CCDC74B: variants seen among roughly 807,000 people sequenced by gnomAD.
CCDC74B encodes coiled-coil domain-containing protein 74B.
In CCDC74B, 34 loss-of-function variants were observed where a neutral mutation model predicts 38.0. That is an observed-to-expected ratio of 0.89 (90% confidence interval 0.68 to 1.19). The LOEUF (loss-of-function observed/expected upper bound fraction) is 1.19. Ranked by LOEUF, CCDC74B falls within the 50% of genes most tolerant of loss-of-function variation. The pLI, the probability that CCDC74B is intolerant of heterozygous loss-of-function variation, is 0.00. For missense variants in CCDC74B, 358 were observed against 406.0 expected (o/e 0.88, Z 1.02); for synonymous variants, 132 against 170.4 (o/e 0.77, Z 1.76).
chr2:130,143,329 C>G lies in CCDC74B; in HGVS notation c.251-16G>C. 2 of 1,613,960 alleles carry G rather than the reference C, an allele frequency of 1.2e-6. No homozygotes were observed. Among genetic ancestry groups the G allele is most frequent in the Non-Finnish European group, 8.5e-7 (1 of 1,179,824 alleles). On this transcript the variant is annotated splice_polypyrimidine_tract_variant and intron_variant, in intron 1 of 7. Coordinates refer to ENST00000409943, the MANE Select transcript of CCDC74B (RefSeq NM_001258307.2). ...TAACGGAGATCTGAAAGCAAGCACA[C>G]GCTCTCCTCAGCACTTGTGAAACCA...
intron 1 of CCDC74B, among the ~76,000 whole-genome samples, chr2:130,143,957 G>A (rs1285630476): frequency 6.9e-6 from 1 of 145,060 alleles, no homozygotes; most frequent in African/African-American, 2.6e-5. Flanking sequence ...GCGTGGGGGT[G>A]AGGAGCAGCT....
At chr2:130,141,800 G>C (rs1685648188) in intron 3 of CCDC74B, 1 of 489,966 alleles carries the variant, frequency 2.0e-6, no homozygotes, top group African/African-American at 2.0e-5. Context: ...TTGTGGCGGG[G>C]ACACGGCCAA....
At chr2:130,139,743 G>A (rs529047326) in intron 7 of CCDC74B, 53 bp from the exon 8 acceptor site, 8 of 1,609,892 alleles carry the variant, frequency 5.0e-6, no homozygotes, top group Non-Finnish European at 6.8e-6. Context: ...AGTGGAGTGT[G>A]TGGGGAGTGC....
intron 2 of CCDC74B, 168 bp from the exon 3 acceptor site, chr2:130,142,351 G>A: frequency 6.2e-7 from 1 of 1,613,142 alleles, no homozygotes; most frequent in South Asian, 1.1e-5. Flanking sequence ...GGGAGCAGAG[G>A]CCCTGGAAAG....
At chr2:130,140,570 C>T (rs1685544936) in intron 4 of CCDC74B, 199 bp from the exon 5 acceptor site, 3 of 601,404 alleles carry the variant, frequency 5.0e-6, no homozygotes, top group Non-Finnish European at 5.6e-6. Flanking sequence ...CTGAAGGTGC[C>T]CTAAGGGTCA....
At position 130,142,635 on chromosome 2, in the gene CCDC74B, C is replaced by T. The variant is rs965803708; in HGVS notation, c.296-452G>A. On this transcript the variant is annotated intron_variant, in intron 2 of 7. Coordinates refer to ENST00000409943, the MANE Select transcript of CCDC74B (RefSeq NM_001258307.2). ...CAGCTACGATGTTCCCAGGCTGGCT[C>T]CATCCACCAGTCAGATGTCCTCCTG... 5.8e-6 allele frequency: 9 copies of T among 1,543,184 alleles called. No homozygotes were observed. In the African/African-American group the frequency reaches 6.8e-5, roughly 12 times the overall value.
At chr2:130,143,416 GC>G in intron 1 of CCDC74B, 103 bp from the exon 2 acceptor site, 11 of 1,467,760 alleles carry the variant, frequency 7.5e-6, no homozygotes, top group South Asian at 4.5e-5. Context: ...CGAAAGTCCT[GC>G]CCCCCCACTG....
intron 4 of CCDC74B, 174 bp downstream of exon 4, chr2:130,140,984 A>G (rs1685577453): frequency 2.3e-5 from 27 of 1,160,918 alleles, no homozygotes; most frequent in Non-Finnish European, 3.2e-5. Flanking sequence ...ACCGATGGGT[A>G]GAGCGTGGCC....
intron 4 of CCDC74B, chr2:130,140,627 C>G: frequency 5.8e-6 from 3 of 521,586 alleles, no homozygotes; most frequent in Non-Finnish European, 1.0e-5. Flanking sequence ...TGCTCTTGAT[C>G]GTGACCCCAC....
chr2:130,139,825 C>A (rs1685477321), intron 7 of CCDC74B, 66 bp downstream of exon 7: 1 of 1,610,588 alleles, frequency 6.2e-7, no homozygotes, highest in East Asian at 2.2e-5. Context: ...ACGCTCCCTT[C>A]CCCACTCCCT....
Position 130,142,189 on chromosome 2 carries a change from G to A in CCDC74B, c.296-6C>T. On this transcript the variant is annotated splice_region_variant and splice_polypyrimidine_tract_variant and intron_variant, in intron 2 of 7. Coordinates refer to ENST00000409943, the MANE Select transcript of CCDC74B (RefSeq NM_001258307.2). ...GCTTGACGTGGAGAGGCTGTCTGCA[G>A]GAGAGCGCACAGTGTCGGCGCTACC... is the stretch of plus-strand genomic sequence containing the variant. 1.2e-6 allele frequency: 2 copies of A among 1,613,406 alleles called. No homozygotes were observed. Among genetic ancestry groups the A allele is most frequent in the Non-Finnish European group, 1.7e-6 (2 of 1,179,808 alleles).
intron 7 of CCDC74B, 64 bp from the exon 8 acceptor site, chr2:130,139,754 G>A (rs1426179135): frequency 4.9e-5 from 79 of 1,607,448 alleles, no homozygotes; most frequent in Middle Eastern, 3.8e-4. Flanking sequence ...TGGGGAGTGC[G>A]GCCTGCATGG....
At chr2:130,141,523 A>G in intron 3 of CCDC74B, 1 of 652,508 alleles carries the variant, frequency 1.5e-6, no homozygotes, top group Non-Finnish European at 2.5e-6. Flanking sequence ...TAGAACAATC[A>G]ACATAGTGGA....
chr2:130,143,347 T>G, intron 1 of CCDC74B, 34 bp from the exon 2 acceptor site: 1 of 1,613,754 alleles, frequency 6.2e-7, no homozygotes, highest in Non-Finnish European at 8.5e-7. Context: ...TCAGCACTTG[T>G]GAAACCACAG....
At chr2:130,140,673 G>T (rs1685552513) in intron 4 of CCDC74B, 2 of 484,598 alleles carry the variant, frequency 4.1e-6, no homozygotes, top group Non-Finnish European at 3.6e-6. Context: ...CCTGGTCTCG[G>T]GATGTGCAGA....
chr2:130,140,918 C>A, intron 4 of CCDC74B: 1 of 419,312 alleles, frequency 2.4e-6, no homozygotes, highest in South Asian at 3.2e-5. Flanking sequence ...CTCGTGGGCT[C>A]AGGTCAGCAC....
rs1170770973 is a variant in CCDC74B, at chr2:130,139,328, G to A, written c.*227C>T. 1 of 588,030 alleles carries A rather than the reference G, an allele frequency of 1.7e-6. No individual in the cohort carries two copies. The highest frequency in any genetic ancestry group is 1.9e-5 in the African/African-American group (1 of 53,660). The allele number at this position is 588,030 out of a possible 1,614,324, so 36.4% of individuals were successfully genotyped here. Reference sequence around the variant, plus strand: ...TTTATTTTCAGTTTCAACAGGTAAGGCGATACCTGCTTCATCGTGTGCTTT... The same window carrying A: ...TTTATTTTCAGTTTCAACAGGTAAGACGATACCTGCTTCATCGTGTGCTTT... On this transcript the variant is annotated 3_prime_UTR_variant, in exon 8 of 8. Transcript: ENST00000409943.
At chr2:130,141,625 C>T (rs1375242728) in intron 3 of CCDC74B, 3 of 424,010 alleles carry the variant, frequency 7.1e-6, no homozygotes, top group African/African-American at 2.0e-5. Flanking sequence ...GCCCGTCCAG[C>T]ACCTGGGCCC....
In CCDC74B at chr2:130,143,291, C is replaced by G. The variant is rs1036621383; in HGVS notation, c.273G>C (p.Met91Ile). 3.7e-6 allele frequency: 6 copies of G among 1,613,970 alleles called. No individual in the cohort carries two copies. The highest frequency in any genetic ancestry group is 3.3e-5 in the South Asian group (3 of 91,070). The part of the protein sequence containing the change: ...ENKDLRYKLI[M>I]NQTSQKKDSL... Reference sequence around the variant, plus strand: ...CACCTTTCTTCTGTGATGTCTGATTCATTATGAGCTTGTAACGGAGATCTG... The same window carrying G: ...CACCTTTCTTCTGTGATGTCTGATTGATTATGAGCTTGTAACGGAGATCTG... The change falls in exon 2 of 8, where the codon ATG (methionine) becomes ATC (isoleucine). Residue 91 changes from methionine (M) to isoleucine (I), a missense_variant. By Grantham distance (10) the Met-to-Ile change is conservative. Transcript: ENST00000409943.
Sources: gnomAD v4.1 joint callset for allele counts (sites outside exome capture counted in the v4.1 genomes callset) on GRCh38, gnomAD v4.1.1 for gene constraint, MANE v1.5 for transcripts, NCBI Gene and HGNC (gene_info 2026-07-23, HGNC 2026-07-21) for gene names.